The following DPF2 variants were observed in gnomAD, a reference collection of about 807,000 sequenced individuals.
The protein encoded by DPF2 is double PHD fingers 2.
DPF2 carries 10 observed loss-of-function variants against 59.6 expected under a neutral mutation model. The ratio of observed to expected loss-of-function variants is 0.17; its 90% CI spans 0.10 to 0.28. The LOEUF (loss-of-function observed/expected upper bound fraction) is 0.28. DPF2 is among the 10% of genes least tolerant of loss of function. The pLI, the probability that DPF2 is intolerant of heterozygous loss-of-function variation, is 1.00. For missense variants in DPF2, 315 were observed against 509.4 expected, an observed-to-expected ratio of 0.62 and a Z score of 3.67; for synonymous variants, 189 against 190.6, an observed-to-expected ratio of 0.99 and a Z score of 0.07.
chr11:65,344,959 ACCT>A (rs1283384728), intron 6 of DPF2: 2 of 328,232 alleles, frequency 6.1e-6, no homozygotes, highest in East Asian at 5.1e-5. Flanking sequence ...CTGCCCCACC[ACCT>A]CCTCCTGCCA....
At chr11:65,347,653 T>C (rs1037506321) in intron 9 of DPF2, 3 of 151,934 alleles carry the variant, frequency 2.0e-5, no homozygotes, top group African/African-American at 7.3e-5. Context: ...TATTTTATTT[T>C]ATATTTATTT....
chr11:65,344,206 C>A, intron 6 of DPF2, 137 bp downstream of exon 6: 1 of 852,378 alleles, frequency 1.2e-6, no homozygotes, highest in Non-Finnish European at 1.9e-6. Context: ...CTGACTGCTT[C>A]CGTCTGAGAC....
At chr11:65,346,704 A>C in intron 9 of DPF2, 1 of 189,118 alleles carries the variant, frequency 5.3e-6, no homozygotes, top group Non-Finnish European at 1.1e-5. Context: ...GGCAGAGAAT[A>C]ATTGCATAAG....
chr11:65,351,990 G>C lies in DPF2; in HGVS notation c.*231G>C. 1.8e-6 allele frequency: 1 copy of C among 570,660 alleles called. No homozygotes were observed. The allele number at this position is 570,660 out of a possible 1,614,324, so 35.3% of individuals were successfully genotyped here. A position where few individuals can be genotyped will look rare whatever the true frequency, so the allele number is the denominator to read the frequency against. On this transcript the variant is annotated 3_prime_UTR_variant, in exon 11 of 11. Coordinates refer to ENST00000528416, the MANE Select transcript of DPF2 (RefSeq NM_006268.5). Reference sequence around the variant, plus strand: ...ACACACTGCCCCTAGGCGTGCGTGTGGCCCAGTTTCTCTCTGCTCTCCATT... The same window carrying C: ...ACACACTGCCCCTAGGCGTGCGTGTCGCCCAGTTTCTCTCTGCTCTCCATT...
At chr11:65,341,326 C>T in intron 3 of DPF2, 73 bp from the exon 4 acceptor site, 1 of 1,593,166 alleles carries the variant, frequency 6.3e-7, no homozygotes, top group South Asian at 1.1e-5. Context: ...TGGTAAGCCC[C>T]AGCATTATGT....
intron 4 of DPF2, 67 bp from the exon 5 acceptor site, chr11:65,343,678 A>G: frequency 2.0e-6 from 3 of 1,505,736 alleles, no homozygotes; most frequent in Non-Finnish European, 2.7e-6. Context: ...GGCCTTGGCC[A>G]GTCTCATCAT....
In DPF2 at chr11:65,341,570, A is replaced by G; in HGVS notation, c.465+8A>G. On this transcript the variant is annotated splice_region_variant and intron_variant, in intron 4 of 10. Coordinates refer to ENST00000528416, the MANE Select transcript of DPF2 (RefSeq NM_006268.5). ...AACAGTCGAGCGCGAAAGGTACAGG[A>G]TTATCCCTGTGGCTAAGGGAGCTTT... The G allele has an allele frequency of 6.2e-7, 1 of 1,613,744 alleles. No homozygotes were observed. The highest frequency in any genetic ancestry group is 8.5e-7 in the Non-Finnish European group (1 of 1,179,718).
chr11:65,348,638 G>T (rs1854608119), intron 9 of DPF2: 1 of 439,576 alleles, frequency 2.3e-6, no homozygotes, highest in Non-Finnish European at 4.0e-6. Context: ...AAAAGTGGAG[G>T]TGATTTGATC....
chr11:65,335,054 A>G (rs1327467504), intron 1 of DPF2, among the ~76,000 whole-genome samples: 3 of 147,478 alleles, frequency 2.0e-5, no homozygotes, highest in South Asian at 4.3e-4. Context: ...CATTAAGCTA[A>G]GTGCCTTTCC....
At chr11:65,346,533 G>T (rs1162601049) in intron 9 of DPF2, 174 bp downstream of exon 9, 1 of 598,228 alleles carries the variant, frequency 1.7e-6, no homozygotes, top group African/African-American at 1.9e-5. Context: ...GATATATATT[G>T]AGTGCTGATT....
intron 6 of DPF2, chr11:65,344,764 T>C (rs1047909961): frequency 2.4e-5 from 21 of 882,300 alleles, no homozygotes; most frequent in Admixed American, 4.9e-5. Context: ...GAATTTCTGC[T>C]GTGCTCTACT....
chr11:65,349,087 T>C (rs1416845661), intron 10 of DPF2, among the ~76,000 whole-genome samples, 156 bp downstream of exon 10: 1 of 152,120 alleles, frequency 6.6e-6, no homozygotes, highest in African/African-American at 2.4e-5. Context: ...TCCTAACATT[T>C]CAACTTAAAG....
intron 9 of DPF2, chr11:65,348,562 C>A (rs1345299935): frequency 3.4e-5 from 11 of 323,132 alleles, no homozygotes; most frequent in Non-Finnish European, 3.9e-5. Context: ...GCCTGAGTGA[C>A]AGCAATACCC....
chr11:65,346,200 C>A, intron 8 of DPF2, 47 bp from the exon 9 acceptor site: 1 of 1,600,360 alleles, frequency 6.2e-7, no homozygotes, highest in Non-Finnish European at 8.5e-7. Flanking sequence ...CTCCTCTCTT[C>A]CCCCCGCATT....
At chr11:65,348,530 G>A (rs370394340) in intron 9 of DPF2, 59 of 254,444 alleles carry the variant, frequency 2.3e-4, no homozygotes, top group Admixed American at 6.7e-4. Flanking sequence ...GCAGTGAGCC[G>A]TGATTGCACC....
intron 6 of DPF2, chr11:65,344,982 C>T (rs920829869): frequency 1.9e-5 from 6 of 308,280 alleles, no homozygotes; most frequent in Non-Finnish European, 3.6e-5. Flanking sequence ...ATCCTCTCTC[C>T]CCACTCCTTT....
intron 6 of DPF2, chr11:65,344,473 A>G (rs572431136): frequency 1.1e-5 from 12 of 1,108,466 alleles, no homozygotes; most frequent in South Asian, 2.9e-5. Context: ...TGGGAGCACC[A>G]TCGCCGCTGG....
At chr11:65,343,610 C>T (rs989653705) in intron 4 of DPF2, 135 bp from the exon 5 acceptor site, 19 of 713,288 alleles carry the variant, frequency 2.7e-5, no homozygotes, top group Non-Finnish European at 2.4e-5. Flanking sequence ...GCTTGAAAGG[C>T]GTTGGTGAGG....
chr11:65,344,605 G>A, intron 6 of DPF2: 8 of 1,535,930 alleles, frequency 5.2e-6, no homozygotes, highest in Non-Finnish European at 6.1e-6. Flanking sequence ...AGCATACCTC[G>A]AAAGCGCCCC....
Sources: gnomAD v4.1 joint callset for allele counts (sites outside exome capture counted in the v4.1 genomes callset) on GRCh38, gnomAD v4.1.1 for gene constraint, MANE v1.5 for transcripts, NCBI Gene and HGNC (gene_info 2026-07-23, HGNC 2026-07-21) for gene names.